The following KCNJ3 variants were observed in gnomAD, a reference collection of about 807,000 sequenced individuals.
KCNJ3 encodes the protein potassium inwardly rectifying channel subfamily J member 3.
Under a neutral mutation model 39.2 loss-of-function variants are expected in KCNJ3, and 4 were observed. The ratio of observed to expected loss-of-function variants is 0.10; its 90% CI spans 0.05 to 0.23. KCNJ3 has a LOEUF of 0.23. KCNJ3 is among the 10% of genes least tolerant of loss of function. The probability of loss-of-function intolerance (pLI) is 1.00; values close to 1 mark genes in which losing one functional copy is unlikely to be tolerated. For synonymous variants in KCNJ3, 230 were observed against 237.4 expected (o/e 0.97, Z 0.29); for missense variants, 276 against 634.9 (o/e 0.43, Z 6.08).
At chr2:154,839,532 C>T (rs1160645404) in intron 2 of KCNJ3, among the ~76,000 whole-genome samples, 1 of 152,204 alleles carries the variant, frequency 6.6e-6, no homozygotes. Context: ...AATGGTTGAA[C>T]TAATTTACAC....
At chr2:154,772,012 G>A (rs1194999196) in intron 2 of KCNJ3, among the ~76,000 whole-genome samples, 1 of 152,122 alleles carries the variant, frequency 6.6e-6, no homozygotes. Flanking sequence ...AACCACCCAA[G>A]GTTGAGGACA....
chr2:154,769,327 C>T (rs1480605735), intron 2 of KCNJ3, among the ~76,000 whole-genome samples: 1 of 152,052 alleles, frequency 6.6e-6, no homozygotes, highest in Non-Finnish European at 1.5e-5. Context: ...GTGGGTTTGT[C>T]ATAAATAGCT....
intron 2 of KCNJ3, among the ~76,000 whole-genome samples, chr2:154,762,771 A>G (rs897509439): frequency 2.0e-5 from 3 of 152,218 alleles, no homozygotes; most frequent in Non-Finnish European, 2.9e-5. Context: ...ATTGGTAATG[A>G]CAATGGATGT....
At chr2:154,714,481 A>G (rs535458119) in intron 2 of KCNJ3, among the ~76,000 whole-genome samples, 1 of 152,100 alleles carries the variant, frequency 6.6e-6, no homozygotes, top group African/African-American at 2.4e-5. Context: ...CTTTTAGTGA[A>G]CTCACAAAGT....
At chr2:154,814,481 T>A (rs936603146) in intron 2 of KCNJ3, among the ~76,000 whole-genome samples, 7 of 151,870 alleles carry the variant, frequency 4.6e-5, no homozygotes, top group Non-Finnish European at 1.0e-4. Flanking sequence ...GTACTAAAAA[T>A]ACAAAATTAC....
intron 2 of KCNJ3, among the ~76,000 whole-genome samples, chr2:154,832,704 T>C (rs1687384142): frequency 6.6e-6 from 1 of 151,968 alleles, no homozygotes; most frequent in African/African-American, 2.4e-5. Context: ...GTATAAGCAA[T>C]AGTGATGGCT....
intron 2 of KCNJ3, among the ~76,000 whole-genome samples, chr2:154,738,864 G>A (rs920495041): frequency 4.6e-5 from 7 of 151,866 alleles, no homozygotes; most frequent in African/African-American, 1.5e-4. Context: ...GCTCCACATC[G>A]TGAAAAATTG....
chr2:154,724,448 A>T (rs1685315092), intron 2 of KCNJ3, among the ~76,000 whole-genome samples: 1 of 152,144 alleles, frequency 6.6e-6, no homozygotes, highest in East Asian at 1.9e-4. Context: ...TCAGGTAAAG[A>T]AAGGTATAGA....
rs1253126183 is a variant in KCNJ3, at chr2:154,857,246, G to A, written c.*1933G>A. On this transcript the variant is annotated 3_prime_UTR_variant, in exon 3 of 3. Coordinates refer to ENST00000295101, the MANE Select transcript of KCNJ3 (RefSeq NM_002239.4). ...GACAGAGAGAGAAGGGGGTCCACAG[G>A]GCATGGTATATTTATCAGCAGTGGA... 2.0e-5 allele frequency: 3 copies of A among 151,974 alleles called. No individual in the cohort carries two copies. The highest frequency in any genetic ancestry group is 7.3e-5 in the African/African-American group (3 of 41,350). The allele number at this position is 151,974 out of a possible 1,614,324, so 9.4% of individuals were successfully genotyped here. A position where few individuals can be genotyped will look rare whatever the true frequency, so the allele number is the denominator to read the frequency against.
At chr2:154,718,184 A>G (rs528727287) in intron 2 of KCNJ3, among the ~76,000 whole-genome samples, 24 of 152,252 alleles carry the variant, frequency 1.6e-4, no homozygotes, top group African/African-American at 5.8e-4. Flanking sequence ...CTATTGTTAT[A>G]TATTTGTTAT....
chr2:154,724,554 G>A (rs952400355), intron 2 of KCNJ3, among the ~76,000 whole-genome samples: 1 of 151,608 alleles, frequency 6.6e-6, no homozygotes, highest in Non-Finnish European at 1.5e-5. Context: ...CAGTGAGCAA[G>A]CAAAAGTGAG....
At chr2:154,741,921 C>A (rs1253350435) in intron 2 of KCNJ3, among the ~76,000 whole-genome samples, 1 of 151,834 alleles carries the variant, frequency 6.6e-6, no homozygotes, top group Non-Finnish European at 1.5e-5. Flanking sequence ...TTAAAATATA[C>A]AATTCTGTAG....
intron 2 of KCNJ3, among the ~76,000 whole-genome samples, chr2:154,725,028 T>C (rs1380467717): frequency 1.3e-5 from 2 of 150,012 alleles, no homozygotes; most frequent in East Asian, 3.9e-4. Context: ...CCTTGGGAGA[T>C]TCTTCTGCTT....
At chr2:154,827,301 T>C (rs749237735) in intron 2 of KCNJ3, among the ~76,000 whole-genome samples, 1 of 152,198 alleles carries the variant, frequency 6.6e-6, no homozygotes, top group Non-Finnish European at 1.5e-5. Flanking sequence ...TTCACTAATC[T>C]TTGGGGTGTT....
rs537412465 is a variant in KCNJ3, at chr2:154,821,249, A to G, written c.920-33478A>G. On this transcript the variant is annotated intron_variant, in intron 2 of 2. Coordinates refer to ENST00000295101, the MANE Select transcript of KCNJ3 (RefSeq NM_002239.4). Reference sequence around the variant, plus strand: ...TCTGGAATGAGCCAATCCTTCAAAAAGCCCAAATTTCTCTCTTTGTGAAAG... The same window carrying G: ...TCTGGAATGAGCCAATCCTTCAAAAGGCCCAAATTTCTCTCTTTGTGAAAG... 7.2e-5 allele frequency among the ~76,000 whole-genome samples: 11 copies of G among 152,284 alleles called. No individual in the cohort carries two copies. The East Asian group carries it at 2.1e-3, about 29-fold the overall frequency.
At chr2:154,819,684 C>T (rs950222282) in intron 2 of KCNJ3, among the ~76,000 whole-genome samples, 1 of 151,898 alleles carries the variant, frequency 6.6e-6, no homozygotes, top group Non-Finnish European at 1.5e-5. Context: ...GTGTGCACCA[C>T]CACGCCCAGC....
At chr2:154,704,129 T>TAA (rs1282301246) in intron 1 of KCNJ3, among the ~76,000 whole-genome samples, 1 of 152,114 alleles carries the variant, frequency 6.6e-6, no homozygotes, top group Non-Finnish European at 1.5e-5. Flanking sequence ...TTATTCTTTT[T>TAA]AAAATAGTGG....
intron 2 of KCNJ3, among the ~76,000 whole-genome samples, chr2:154,782,252 T>G (rs1370304124): frequency 6.6e-6 from 1 of 152,146 alleles, no homozygotes; most frequent in Non-Finnish European, 1.5e-5. Flanking sequence ...CTGGGAAAGC[T>G]TCTCATCTGT....
At chr2:154,780,232 T>G (rs1686413197) in intron 2 of KCNJ3, among the ~76,000 whole-genome samples, 1 of 152,124 alleles carries the variant, frequency 6.6e-6, no homozygotes, top group Non-Finnish European at 1.5e-5. Flanking sequence ...TTATAATAAG[T>G]GTTTCAACAT....
Sources: allele counts gnomAD v4.1 joint callset (sites outside exome capture counted in the v4.1 genomes callset), GRCh38; gene constraint gnomAD v4.1.1; transcripts MANE v1.5; gene names NCBI Gene and HGNC (gene_info 2026-07-23, HGNC 2026-07-21).